NKAIN3: variants seen among roughly 807,000 people sequenced by gnomAD.
NKAIN3 encodes the protein sodium/potassium-transporting ATPase subunit beta-1-interacting protein 3.
Under a neutral mutation model 30.2 loss-of-function variants are expected in NKAIN3, and 25 were observed. That is an observed-to-expected ratio of 0.83 (90% CI 0.60 to 1.16). The LOEUF is 1.16. NKAIN3 is among the 50% of genes most tolerant of loss of function. The probability of loss-of-function intolerance (pLI) is 0.00; values close to 1 mark genes in which losing one functional copy is unlikely to be tolerated. For synonymous variants in NKAIN3, 91 were observed against 89.6 expected (o/e 1.02, Z -0.09); for missense variants, 225 against 254.1 (o/e 0.89, Z 0.78).
intron 3 of NKAIN3, among the ~76,000 whole-genome samples, chr8:62,618,301 C>A (rs764997140): frequency 2.6e-5 from 4 of 152,114 alleles, no homozygotes; most frequent in Non-Finnish European, 5.9e-5. Context: ...CACCAGAACC[C>A]ACATCCATGG....
chr8:62,828,215 T>C (rs1288440849), intron 4 of NKAIN3, among the ~76,000 whole-genome samples: 2 of 152,156 alleles, frequency 1.3e-5, no homozygotes, highest in Admixed American at 6.6e-5. Context: ...AAACTATTGT[T>C]ACATAAAATT....
intron 1 of NKAIN3, among the ~76,000 whole-genome samples, chr8:62,411,205 A>T (rs1804226822): frequency 6.6e-6 from 1 of 152,206 alleles, no homozygotes; most frequent in African/African-American, 2.4e-5. Flanking sequence ...ACACACCATG[A>T]TCAATTAGGC....
intron 4 of NKAIN3, chr8:62,856,431 G>A (rs761856810): frequency 3.8e-5 from 30 of 790,778 alleles, no homozygotes; most frequent in Non-Finnish European, 6.7e-5. Context: ...CTGCTATGCT[G>A]GTGATATCTC....
intron 4 of NKAIN3, among the ~76,000 whole-genome samples, chr8:62,790,846 C>T (rs557035509): frequency 3.3e-5 from 5 of 151,970 alleles, no homozygotes; most frequent in African/African-American, 4.8e-5. Context: ...CAGGGAGATT[C>T]GGCTTAGCCC....
At chr8:62,404,115 T>A (rs1007470117) in intron 1 of NKAIN3, among the ~76,000 whole-genome samples, 14 of 152,366 alleles carry the variant, frequency 9.2e-5, no homozygotes, top group African/African-American at 3.4e-4. Context: ...TTGGCCAATT[T>A]ATCACATTTA....
At chr8:62,722,095 A>G (rs534750956) in intron 3 of NKAIN3, among the ~76,000 whole-genome samples, 2 of 152,352 alleles carry the variant, frequency 1.3e-5, no homozygotes, top group South Asian at 4.1e-4. Context: ...TTTTAAGATT[A>G]GCCACTATCA....
chr8:62,573,111 C>T (rs952288598), intron 1 of NKAIN3, among the ~76,000 whole-genome samples: 2 of 152,128 alleles, frequency 1.3e-5, no homozygotes, highest in Non-Finnish European at 2.9e-5. Flanking sequence ...TTAAAACATG[C>T]CCCTTCCTCC....
intron 3 of NKAIN3, among the ~76,000 whole-genome samples, chr8:62,687,771 G>T (rs1353028201): frequency 1.3e-5 from 2 of 151,926 alleles, no homozygotes; most frequent in East Asian, 1.9e-4. Flanking sequence ...TCTCTTTTTT[G>T]ATCTTTCTCT....
intron 1 of NKAIN3, among the ~76,000 whole-genome samples, chr8:62,461,054 A>G (rs999900777): frequency 6.6e-6 from 1 of 152,226 alleles, no homozygotes; most frequent in East Asian, 1.9e-4. Context: ...GAGAGGCCCT[A>G]AACACTCACC....
chr8:62,272,630 G>A (rs947748942), intron 1 of NKAIN3, among the ~76,000 whole-genome samples: 13 of 152,104 alleles, frequency 8.5e-5, no homozygotes, highest in Non-Finnish European at 1.8e-4. Flanking sequence ...CTTCTACTAA[G>A]GTTATTCTTA....
At chr8:62,477,162 A>G (rs554335589) in intron 1 of NKAIN3, among the ~76,000 whole-genome samples, 4 of 152,158 alleles carry the variant, frequency 2.6e-5, no homozygotes, top group Non-Finnish European at 5.9e-5. Flanking sequence ...CATGTGTGGA[A>G]ACACACATGG....
chr8:62,426,121 A>G (rs1189865446), intron 1 of NKAIN3, among the ~76,000 whole-genome samples: 2 of 152,004 alleles, frequency 1.3e-5, no homozygotes, highest in African/African-American at 2.4e-5. Flanking sequence ...ATGTCAAGTC[A>G]ATAGCGGTTC....
In NKAIN3 at chr8:62,648,638, A is replaced by G. The variant is rs185088585; in HGVS notation, c.273+58844A>G. Among the ~76,000 whole-genome samples, 26 of 152,310 alleles carry G rather than the reference A, an allele frequency of 1.7e-4. 1 individual carries two copies. Among genetic ancestry groups the G allele is most frequent in the Admixed American group, 1.4e-3 (22 of 15,300 alleles). ...GACACTTTCAGGAAAACCTTACCTT[A>G]CAGAAGGAATCCCCTTAACAAAAAG... On this transcript the variant is annotated intron_variant, in intron 3 of 6. Coordinates refer to ENST00000623646, the MANE Select transcript of NKAIN3 (RefSeq NM_001304533.3).
chr8:62,777,085 T>C (rs1170327642), intron 4 of NKAIN3, among the ~76,000 whole-genome samples: 1 of 152,220 alleles, frequency 6.6e-6, no homozygotes, highest in African/African-American at 2.4e-5. Context: ...TGGAGCTTCA[T>C]TTCATGTTAT....
intron 1 of NKAIN3, among the ~76,000 whole-genome samples, chr8:62,456,344 C>A (rs946574749): frequency 6.6e-6 from 1 of 151,828 alleles, no homozygotes; most frequent in African/African-American, 2.4e-5. Context: ...CATGGTGAAA[C>A]CCCATCTCTA....
intron 1 of NKAIN3, among the ~76,000 whole-genome samples, chr8:62,258,022 C>CTTATTTTATT (rs554327128): frequency 2.6e-5 from 4 of 151,950 alleles, no homozygotes; most frequent in African/African-American, 9.7e-5. Flanking sequence ...ACATGAACTA[C>CTTATTTTATT]TTATTTTATT....
intron 4 of NKAIN3, among the ~76,000 whole-genome samples, chr8:62,835,945 T>A (rs1299755338): frequency 6.6e-6 from 1 of 151,962 alleles, no homozygotes; most frequent in Non-Finnish European, 1.5e-5. Context: ...TAGGCACCCA[T>A]CAGTGGTGGA....
chr8:62,796,190 A>G (rs554855485), intron 4 of NKAIN3, among the ~76,000 whole-genome samples: 1 of 151,770 alleles, frequency 6.6e-6, no homozygotes, highest in South Asian at 2.1e-4. Context: ...TCGAAACCAA[A>G]CTGGCCAACA....
At chr8:62,434,828 T>G (rs1242365952) in intron 1 of NKAIN3, among the ~76,000 whole-genome samples, 1 of 152,176 alleles carries the variant, frequency 6.6e-6, no homozygotes, top group Non-Finnish European at 1.5e-5. Flanking sequence ...AACTATGCAC[T>G]TGTAAATTAA....
Sources: allele counts gnomAD v4.1 joint callset (sites outside exome capture counted in the v4.1 genomes callset), GRCh38; gene constraint gnomAD v4.1.1; transcripts MANE v1.5; gene names NCBI Gene and HGNC (gene_info 2026-07-23, HGNC 2026-07-21).